HERC2: variants seen among roughly 807,000 people sequenced by gnomAD.
The protein encoded by HERC2 is E3 ubiquitin-protein ligase HERC2.
A neutral mutation model predicts 537.7 loss-of-function variants in HERC2; 102 were observed. That is an observed-to-expected ratio of 0.19 (90% CI 0.16 to 0.22). The LOEUF is 0.22. Among genes scored for constraint, HERC2 ranks in the 10% least tolerant of loss-of-function variants. The pLI, the probability that HERC2 is intolerant of heterozygous loss-of-function variation, is 1.00. For missense variants in HERC2, 4,236 were observed against 6,198.2 expected, an observed-to-expected ratio of 0.68 and a Z score of 10.63; for synonymous variants, 2,224 against 2,466.2, an observed-to-expected ratio of 0.90 and a Z score of 2.91.
At chr15:28,135,043 T>C (rs1890488748) in intron 79 of HERC2, among the ~76,000 whole-genome samples, 1 of 152,208 alleles carries the variant, frequency 6.6e-6, no homozygotes, top group South Asian at 2.1e-4. Context: ...CCAATCTGGC[T>C]GGTAGTTCTC....
chr15:28,300,424 G>C (rs1366092066), intron 2 of HERC2, among the ~76,000 whole-genome samples: 1 of 150,026 alleles, frequency 6.7e-6, no homozygotes, highest in South Asian at 2.1e-4. Context: ...ATATTTATCG[G>C]TATTGATAAC....
chr15:28,196,549 C>A lies in HERC2; in HGVS notation c.8032G>T (p.Asp2678Tyr), dbSNP rs545941011. The A allele has an allele frequency of 1.2e-6, 2 of 1,611,856 alleles. No individual in the cohort carries two copies. Among genetic ancestry groups the A allele is most frequent in the South Asian group, 2.2e-5 (2 of 91,014 alleles). ...VVKAFSANGK[D>Y]IIVDFPQQSH... ...TGCTGGGGAAAGTCGACAATGATAT[C>A]TTTTCCATTGGCACTGAAAGCTAGG... The change falls in exon 51 of 93, where the codon GAT (aspartate) becomes TAT (tyrosine). Residue 2678 changes from aspartate (D) to tyrosine (Y), a missense_variant. Asp to Tyr is a radical substitution (Grantham distance 160, BLOSUM62 -3). This residue lies in a region of HERC2 where 606 missense variants were observed against 884.5 expected (regional missense o/e 0.69). Transcript: ENST00000261609.
At chr15:28,117,514 T>G in intron 86 of HERC2, 2 of 567,726 alleles carry the variant, frequency 3.5e-6, no homozygotes, top group African/African-American at 1.8e-5. Context: ...TAAGCACTGC[T>G]GCTACTTCAC....
At position 28,113,694 on chromosome 15, in the gene HERC2, C is replaced by T; in HGVS notation, c.13914-16G>A. 1 of 1,597,484 alleles carries T rather than the reference C, an allele frequency of 6.3e-7. No individual in the cohort carries two copies. Among genetic ancestry groups the T allele is most frequent in the Non-Finnish European group, 8.6e-7 (1 of 1,165,318 alleles). On this transcript the variant is annotated splice_polypyrimidine_tract_variant and intron_variant, in intron 90 of 92. Transcript: ENST00000261609. The surrounding 1 kb of genome is among the most constrained non-coding windows in gnomAD (Gnocchi z 7.0). ...TTCATGGAGTCTGGAAGAAAAAGCT[C>T]ACTTTACACTTCTGTCTTCAGTGAC...
At position 28,260,757 on chromosome 15, in the gene HERC2, T is replaced by A. The variant is rs771388664; in HGVS notation, c.2316+20A>T. ...AACCAAAATCCTCCAAAATACCAAA[T>A]CAAGCTCTATATTCAGTACCTGGGC... On this transcript the variant is annotated intron_variant, in intron 16 of 92. Coordinates refer to ENST00000261609, the MANE Select transcript of HERC2 (RefSeq NM_004667.6). 13 of 1,596,814 alleles carry A rather than the reference T, an allele frequency of 8.1e-6. No homozygotes were observed. Among genetic ancestry groups the A allele is most frequent in the Non-Finnish European group, 1.0e-5 (12 of 1,167,856 alleles).
chr15:28,261,215 A>T (rs2075406270), intron 15 of HERC2, among the ~76,000 whole-genome samples: 1 of 152,030 alleles, frequency 6.6e-6, no homozygotes, highest in South Asian at 2.1e-4. Context: ...TACAAAAAGG[A>T]TCTGTTTTTT....
Position 28,113,241 on chromosome 15 carries a change from C to T in HERC2, c.14062G>A (p.Val4688Met). The change falls in exon 92 of 93, where the codon GTG becomes ATG. Residue 4688 changes from valine (V) to methionine (M), a missense_variant. Val to Met is a conservative substitution (Grantham distance 21, BLOSUM62 1). Around this residue, in one of 27 missense-constraint regions of HERC2, gnomAD observed 313 missense variants for 462.6 expected, o/e 0.68. Transcript: ENST00000261609. The surrounding 1 kb of genome is among the most constrained non-coding windows in gnomAD (Gnocchi z 7.0). The stretch of plus-strand genomic sequence containing the variant: ...GGCTCGATGCCTTTATAGGTGGCCA[C>T]CGACTTGAGAAGGTGCAGCGGGATG... Reference protein sequence around the residue: ...PDIPLHLLKSVATYKGIEPSA... With the variant: ...PDIPLHLLKSMATYKGIEPSA... 6.2e-7 allele frequency: 1 copy of T among 1,614,160 alleles called. No homozygotes were observed. The highest frequency in any genetic ancestry group is 8.5e-7 in the Non-Finnish European group (1 of 1,180,050).
At chr15:28,165,092 G>A (rs1361408228) in intron 68 of HERC2, among the ~76,000 whole-genome samples, 1 of 152,224 alleles carries the variant, frequency 6.6e-6, no homozygotes, top group Non-Finnish European at 1.5e-5. Context: ...GCCTCAGCGG[G>A]CTGGGGAAGG....
Position 28,177,403 on chromosome 15 carries a change from A to G in HERC2, c.9254+16T>C. 1.2e-6 allele frequency: 2 copies of G among 1,610,868 alleles called. No individual in the cohort carries two copies. Among genetic ancestry groups the G allele is most frequent in the East Asian group, 4.5e-5 (2 of 44,868 alleles). On this transcript the variant is annotated intron_variant, in intron 60 of 92. Transcript: ENST00000261609. The surrounding 1 kb of genome is among the most constrained non-coding windows in gnomAD (Gnocchi z 5.0). ...AGTTTCTTATTAGCAAATGAGACTAAAAAAAGTACCCTTACATTCTGCTGA... is the reference window on the plus strand; with the variant it reads ...AGTTTCTTATTAGCAAATGAGACTAGAAAAAGTACCCTTACATTCTGCTGA...
At chr15:28,282,425 A>G (rs574888371) in intron 4 of HERC2, among the ~76,000 whole-genome samples, 64 of 152,354 alleles carry the variant, frequency 4.2e-4, no homozygotes, top group African/African-American at 1.4e-3. Context: ...ACAAGCAATT[A>G]CAAACACATG....
At chr15:28,156,174 T>C (rs1370037239) in intron 69 of HERC2, among the ~76,000 whole-genome samples, 2 of 152,240 alleles carry the variant, frequency 1.3e-5, no homozygotes, top group East Asian at 1.9e-4. Flanking sequence ...AGCTTTGTAG[T>C]ATAGTTTGAG....
At chr15:28,226,431 G>GT (rs1456144177) in intron 35 of HERC2, among the ~76,000 whole-genome samples, 1 of 151,746 alleles carries the variant, frequency 6.6e-6, no homozygotes, top group Non-Finnish European at 1.5e-5. Context: ...ATGTGATAAT[G>GT]TAATTGAGAG....
Position 28,149,717 on chromosome 15 carries a change from G to A in HERC2, c.10900+2960C>T, listed in dbSNP as rs547232833. On this transcript the variant is annotated intron_variant, in intron 70 of 92. Transcript: ENST00000261609. Reference sequence around the variant, plus strand: ...ACTTAGAATGGCCACATGAACGCACGTTCTAGTAAAATTACCGAAAAAACA... The same window carrying A: ...ACTTAGAATGGCCACATGAACGCACATTCTAGTAAAATTACCGAAAAAACA... 4.1e-5 allele frequency among the ~76,000 whole-genome samples: 6 copies of A among 145,662 alleles called. No individual in the cohort carries two copies. The South Asian group carries it at 6.8e-4, about 16-fold the overall frequency.
At chr15:28,219,189 T>C (rs1050938746) in intron 37 of HERC2, among the ~76,000 whole-genome samples, 12 of 152,258 alleles carry the variant, frequency 7.9e-5, no homozygotes, top group African/African-American at 2.7e-4. Context: ...TGGTTTCTGA[T>C]GAGCTGGCTG....
chr15:28,175,022 C>T (rs939471597), intron 64 of HERC2, among the ~76,000 whole-genome samples: 1 of 151,886 alleles, frequency 6.6e-6, no homozygotes, highest in South Asian at 2.1e-4. Context: ...AAGTAAAATT[C>T]ATTCTGACTA....
chr15:28,180,570 G>T (rs1009980405), intron 57 of HERC2, among the ~76,000 whole-genome samples: 1 of 152,180 alleles, frequency 6.6e-6, no homozygotes, highest in African/African-American at 2.4e-5. Context: ...ACAGCTGCTG[G>T]TAACTATGGA....
intron 77 of HERC2, 49 bp downstream of exon 77, chr15:28,141,682 G>T: frequency 6.2e-7 from 1 of 1,608,424 alleles, no homozygotes; most frequent in Non-Finnish European, 8.5e-7. Context: ...AATGCACACA[G>T]CCTCTCACAC....
chr15:28,130,938 T>C (rs1334530453), intron 81 of HERC2, among the ~76,000 whole-genome samples: 1 of 152,070 alleles, frequency 6.6e-6, no homozygotes, highest in Non-Finnish European at 1.5e-5. Context: ...GCAATCCCTG[T>C]GTCTCTCCTC....
rs1450738986 is a variant in HERC2, at chr15:28,220,471, C to G, written c.5826G>C (p.Ser1942=). 1 of 1,606,142 alleles carries G rather than the reference C, an allele frequency of 6.2e-7. No homozygotes were observed. Among genetic ancestry groups the G allele is most frequent in the Non-Finnish European group, 8.5e-7 (1 of 1,179,794 alleles). ...ACCCACCAGAGTCATCCTCTGTGTC[C>G]GAATCCTCTGCTGAGGGCTGTGCAG... ...PAAAQPSAED[S]DTEDDSEAEQ... The change falls in exon 37 of 93, where the codon TCG becomes TCC. Residue 1942 remains serine, a synonymous_variant. Transcript: ENST00000261609.
Sources: gnomAD v4.1 joint callset for allele counts (sites outside exome capture counted in the v4.1 genomes callset) on GRCh38, gnomAD v4.1.1 for gene constraint, gnomAD v4.1.1 regional missense constraint, Gnocchi (gnomAD v3.1) non-coding constraint, MANE v1.5 for transcripts, NCBI Gene and HGNC (gene_info 2026-07-23, HGNC 2026-07-21) for gene names.